Variants in ERICH3 observed in about 807,000 individuals in gnomAD.
The protein encoded by ERICH3 is glutamate rich 3.
In ERICH3, 126 loss-of-function variants were observed where a neutral mutation model predicts 131.1. The ratio of observed to expected loss-of-function variants is 0.96; its 90% CI spans 0.83 to 1.11. ERICH3 has a LOEUF of 1.11. Ranked by LOEUF, ERICH3 falls within the 50% of genes most tolerant of loss-of-function variation. The probability of loss-of-function intolerance (pLI) is 0.00; values close to 1 mark genes in which losing one functional copy is unlikely to be tolerated. For synonymous variants in ERICH3, 695 were observed against 644.6 expected (o/e 1.08, Z -1.18); for missense variants, 2,050 against 1,810.7 (o/e 1.13, Z -2.40).
chr1:74,647,260 A>G (rs913208162), intron 2 of ERICH3, among the ~76,000 whole-genome samples: 4 of 152,054 alleles, frequency 2.6e-5, no homozygotes, highest in African/African-American at 7.2e-5. Context: ...GCGGGGTACT[A>G]CTTTGAAAAA....
chr1:74,595,518 A>G (rs1157238891), intron 11 of ERICH3, among the ~76,000 whole-genome samples: 1 of 152,056 alleles, frequency 6.6e-6, no homozygotes, highest in African/African-American at 2.4e-5. Context: ...CTCCATATTT[A>G]CCTTTAATTT....
At chr1:74,588,238 T>C (rs72984965) in intron 12 of ERICH3, among the ~76,000 whole-genome samples, 22 of 152,342 alleles carry the variant, frequency 1.4e-4, no homozygotes, top group African/African-American at 5.3e-4. Flanking sequence ...CGTGAAAACT[T>C]TCAAGGTGTC....
At chr1:74,576,213 C>T (rs1442380830) in intron 13 of ERICH3, among the ~76,000 whole-genome samples, 1 of 152,156 alleles carries the variant, frequency 6.6e-6, no homozygotes, top group Non-Finnish European at 1.5e-5. Context: ...TAGCATAGTG[C>T]CTGGCATAAA....
chr1:74,618,626 C>T (rs950964042), intron 8 of ERICH3, among the ~76,000 whole-genome samples: 3 of 152,144 alleles, frequency 2.0e-5, no homozygotes, highest in African/African-American at 7.2e-5. Context: ...AGAAATTGTA[C>T]TCTACAAGTA....
At chr1:74,670,516 T>G (rs1221065036) in intron 1 of ERICH3, among the ~76,000 whole-genome samples, 1 of 152,196 alleles carries the variant, frequency 6.6e-6, no homozygotes, top group Non-Finnish European at 1.5e-5. Flanking sequence ...TTGTGACGAT[T>G]TCATGAACAT....
chr1:74,628,413 A>G (rs1649485211), intron 7 of ERICH3, among the ~76,000 whole-genome samples: 1 of 152,208 alleles, frequency 6.6e-6, no homozygotes. Context: ...TATGGTATTG[A>G]TAAATACAGT....
At chr1:74,571,015 T>C (rs1176807723) in intron 14 of ERICH3, 84 bp downstream of exon 14, 2 of 1,482,100 alleles carry the variant, frequency 1.3e-6, no homozygotes, top group Admixed American at 2.1e-5. Context: ...CAGACACCAA[T>C]AAAGGGACAA....
intron 4 of ERICH3, 21 bp downstream of exon 4, chr1:74,643,006 G>A (rs1159930267): frequency 1.3e-6 from 2 of 1,528,182 alleles, no homozygotes; most frequent in East Asian, 2.3e-5. Context: ...TGAAGTAAAA[G>A]AGAGTTATAT....
chr1:74,658,886 A>G (rs975021754), intron 1 of ERICH3, among the ~76,000 whole-genome samples: 3 of 152,240 alleles, frequency 2.0e-5, no homozygotes, highest in Non-Finnish European at 2.9e-5. Flanking sequence ...ATTGTGCCTT[A>G]TATCACAGAA....
intron 7 of ERICH3, among the ~76,000 whole-genome samples, chr1:74,627,682 C>T (rs555825483): frequency 2.6e-5 from 4 of 152,020 alleles, no homozygotes; most frequent in East Asian, 1.9e-4. Context: ...TGTATATATA[C>T]GGTTGACCCT....
At chr1:74,611,203 G>A (rs150390997) in intron 9 of ERICH3, among the ~76,000 whole-genome samples, 7 of 152,172 alleles carry the variant, frequency 4.6e-5, no homozygotes, top group African/African-American at 1.7e-4. Flanking sequence ...CAGACTCAAT[G>A]TGTCCTCGAC....
intron 3 of ERICH3, 85 bp from the exon 4 acceptor site, chr1:74,643,183 CT>C: frequency 6.6e-6 from 6 of 909,020 alleles, no homozygotes; most frequent in Non-Finnish European, 1.0e-5. Flanking sequence ...CAACAGATAA[CT>C]ATATTCTCAA....
At chr1:74,576,991 A>C (rs1647070754) in intron 12 of ERICH3, 55 bp from the exon 13 acceptor site, 1 of 1,495,724 alleles carries the variant, frequency 6.7e-7, no homozygotes, top group African/African-American at 1.4e-5. Context: ...TGTGAAATGT[A>C]CCATGGTTCT....
rs577160332 is a variant in ERICH3 at position 74,605,288 on chromosome 1, C to T, written c.1489+1313G>A. Among the ~76,000 whole-genome samples, 8 of 152,072 alleles carry T rather than the reference C, an allele frequency of 5.3e-5. 1 individual carries two copies. Among genetic ancestry groups the T allele is most frequent in the African/African-American group, 1.9e-4 (8 of 41,546 alleles). On this transcript the variant is annotated intron_variant, in intron 10 of 14. Coordinates refer to ENST00000326665, the MANE Select transcript of ERICH3 (RefSeq NM_001002912.5). ...GCTTTGGCTTATGAGAATGTTGTGGCTAGTTAGATCTTCTATTGAGACCGC... is the reference window on the plus strand; with the variant it reads ...GCTTTGGCTTATGAGAATGTTGTGGTTAGTTAGATCTTCTATTGAGACCGC...
At chr1:74,674,095 A>C (rs1646766290), upstream of ERICH3, among the ~76,000 whole-genome samples, 1 of 152,142 alleles carries the variant, frequency 6.6e-6, no homozygotes, top group Non-Finnish European at 1.5e-5. Flanking sequence ...GCGATTGCAA[A>C]TTTGAGGGAA....
Position 74,620,813 on chromosome 1 carries a change from G to T in ERICH3, c.921C>A (p.Phe307Leu), listed in dbSNP as rs778530351. ...NVHLSSDNPDFRDEIKVYQQH... is the reference protein window; with the variant it reads ...NVHLSSDNPDLRDEIKVYQQH... Reference sequence around the variant, plus strand: ...GCTGATAAACTTTAATTTCATCCCGGAAGTCAGGATTATCAGAAGATAGGT... The same window carrying T: ...GCTGATAAACTTTAATTTCATCCCGTAAGTCAGGATTATCAGAAGATAGGT... Residue 307 changes from phenylalanine (F) to leucine (L), a missense_variant, in exon 8 of 15, where the codon TTC becomes TTA. Coordinates refer to ENST00000326665, the MANE Select transcript of ERICH3 (RefSeq NM_001002912.5). The T allele has an allele frequency of 1.2e-6, 2 of 1,613,328 alleles. No homozygotes were observed. Among genetic ancestry groups the T allele is most frequent in the Non-Finnish European group, 1.7e-6 (2 of 1,179,658 alleles).
chr1:74,575,577 C>T (rs3845353), intron 13 of ERICH3, among the ~76,000 whole-genome samples: 140,147 of 152,162 alleles, frequency 0.92, 64,772 homozygotes, highest in Non-Finnish European at 0.96. Context: ...GAAACAATAA[C>T]GTGTGTCAAG....
At chr1:74,579,345 C>T (rs1647134859) in intron 12 of ERICH3, 1 of 952,500 alleles carries the variant, frequency 1.0e-6, no homozygotes, top group African/African-American at 1.8e-5. Context: ...AGGTACTGAA[C>T]CAAAAGACTA....
intron 6 of ERICH3, among the ~76,000 whole-genome samples, chr1:74,633,305 G>A (rs1214014568): frequency 1.3e-5 from 2 of 151,728 alleles, no homozygotes; most frequent in Non-Finnish European, 2.9e-5. Context: ...ATAATTGTTA[G>A]AATGGTTGAT....
Sources: gnomAD v4.1 joint callset for allele counts (sites outside exome capture counted in the v4.1 genomes callset) on GRCh38, gnomAD v4.1.1 for gene constraint, MANE v1.5 for transcripts, NCBI Gene and HGNC (gene_info 2026-07-23, HGNC 2026-07-21) for gene names.